Variants in WWOX observed in about 807,000 individuals in gnomAD.
The protein encoded by WWOX is WW domain containing oxidoreductase.
In WWOX, 69 loss-of-function variants were observed where a neutral mutation model predicts 46.2. That is an observed-to-expected ratio of 1.49 (90% CI 1.23 to 1.82). The LOEUF is 1.82. Ranked by LOEUF, WWOX falls within the 40% of genes most tolerant of loss-of-function variation. The probability of loss-of-function intolerance (pLI) is 0.00; values close to 1 mark genes in which losing one functional copy is unlikely to be tolerated. For synonymous variants in WWOX, 359 were observed against 202.6 expected, an observed-to-expected ratio of 1.77 and a Z score of -6.56; for missense variants, 919 against 542.6, an observed-to-expected ratio of 1.69 and a Z score of -6.89.
At chr16:79,039,029 G>A (rs910969361) in intron 8 of WWOX, among the ~76,000 whole-genome samples, 6 of 151,966 alleles carry the variant, frequency 3.9e-5, no homozygotes, top group African/African-American at 1.5e-4. Flanking sequence ...TAATTCATAT[G>A]ACTTAGTGTT....
chr16:78,761,369 G>T (rs558132086), intron 8 of WWOX, among the ~76,000 whole-genome samples: 2 of 152,152 alleles, frequency 1.3e-5, no homozygotes, highest in East Asian at 3.9e-4. Context: ...AGTTTTCAGG[G>T]AGAACTCTTT....
At chr16:79,018,071 G>C (rs908210225) in intron 8 of WWOX, among the ~76,000 whole-genome samples, 1 of 152,232 alleles carries the variant, frequency 6.6e-6, no homozygotes, top group Non-Finnish European at 1.5e-5. Flanking sequence ...ACTAGTTACA[G>C]AGTTTCTCGG....
At chr16:78,197,337 C>T (rs1222196068) in intron 5 of WWOX, among the ~76,000 whole-genome samples, 1 of 152,172 alleles carries the variant, frequency 6.6e-6, no homozygotes, top group Non-Finnish European at 1.5e-5. Flanking sequence ...AGCACACCTC[C>T]TGGATGATGC....
At chr16:78,443,912 G>A (rs2083500841) in intron 8 of WWOX, among the ~76,000 whole-genome samples, 1 of 152,066 alleles carries the variant, frequency 6.6e-6, no homozygotes, top group African/African-American at 2.4e-5. Context: ...GATATTGGAG[G>A]CCAGCGTGAT....
chr16:78,321,511 G>A (rs1460233231), intron 5 of WWOX, among the ~76,000 whole-genome samples: 1 of 151,566 alleles, frequency 6.6e-6, no homozygotes, highest in African/African-American at 2.4e-5. Flanking sequence ...GAGTGGATTC[G>A]TAGTCTGCCA....
intron 8 of WWOX, among the ~76,000 whole-genome samples, chr16:79,105,320 G>A (rs374861335): frequency 4.6e-5 from 7 of 152,066 alleles, no homozygotes; most frequent in African/African-American, 1.4e-4. Flanking sequence ...ACAGATAAGC[G>A]AAAATAACAA....
intron 5 of WWOX, among the ~76,000 whole-genome samples, chr16:78,297,773 G>C (rs1431074362): frequency 1.3e-5 from 2 of 152,032 alleles, no homozygotes; most frequent in Non-Finnish European, 2.9e-5. Context: ...TTATATCCTA[G>C]TATGGGCAAT....
intron 5 of WWOX, among the ~76,000 whole-genome samples, chr16:78,174,205 A>G (rs2035256703): frequency 6.6e-6 from 1 of 152,216 alleles, no homozygotes; most frequent in Non-Finnish European, 1.5e-5. Context: ...ACAGTTCCAC[A>G]TGGCTGGGGA....
chr16:78,571,639 C>T (rs1235873917), intron 8 of WWOX, among the ~76,000 whole-genome samples: 2 of 152,100 alleles, frequency 1.3e-5, no homozygotes, highest in East Asian at 3.9e-4. Context: ...GAGTCCAAGG[C>T]AGGTGGATTA....
At chr16:78,417,954 G>A (rs886774428) in intron 6 of WWOX, among the ~76,000 whole-genome samples, 1 of 152,200 alleles carries the variant, frequency 6.6e-6, no homozygotes, top group Non-Finnish European at 1.5e-5. Flanking sequence ...TCCTTAATAA[G>A]ATCCAGATTA....
chr16:79,043,587 A>G (rs544162743), intron 8 of WWOX, among the ~76,000 whole-genome samples: 12 of 152,326 alleles, frequency 7.9e-5, no homozygotes, highest in African/African-American at 2.6e-4. Context: ...TCCATCCTGC[A>G]TTATAACCCT....
intron 8 of WWOX, among the ~76,000 whole-genome samples, chr16:78,979,099 T>TC (rs200811560): frequency 0.01 from 1,515 of 148,598 alleles, 23 homozygotes; most frequent in African/African-American, 0.035. Flanking sequence ...TTTTTTTTTT[T>TC]CCCTATACAG....
chr16:78,921,010 G>C (rs1217320021), intron 8 of WWOX, among the ~76,000 whole-genome samples: 1 of 152,098 alleles, frequency 6.6e-6, no homozygotes, highest in Non-Finnish European at 1.5e-5. Context: ...CTGGCTGTTT[G>C]CTTGATATTA....
At chr16:78,570,142 T>G (rs1227069858) in intron 8 of WWOX, among the ~76,000 whole-genome samples, 1 of 152,216 alleles carries the variant, frequency 6.6e-6, no homozygotes, top group East Asian at 1.9e-4. Flanking sequence ...CCTTGTGGCC[T>G]TGTTTGCCTT....
chr16:78,920,636 C>A (rs968461773), intron 8 of WWOX, among the ~76,000 whole-genome samples: 1 of 152,102 alleles, frequency 6.6e-6, no homozygotes, highest in Non-Finnish European at 1.5e-5. Flanking sequence ...AGGTCAGGTA[C>A]CTGACCTGCT....
At chr16:78,348,427 C>T (rs1186242917) in intron 5 of WWOX, among the ~76,000 whole-genome samples, 1 of 120,822 alleles carries the variant, frequency 8.3e-6, no homozygotes, top group African/African-American at 2.8e-5. Context: ...GATCATAGAG[C>T]CAAAGAGCTC....
At chr16:78,226,504 CCCTTCCTT>C (rs749725355) in intron 5 of WWOX, among the ~76,000 whole-genome samples, 1 of 127,034 alleles carries the variant, frequency 7.9e-6, no homozygotes, top group Non-Finnish European at 1.6e-5. Flanking sequence ...CTCCCTCCCT[CCCTTCCTT>C]CCTTCCTTCT....
chr16:78,445,529 G>A (rs759883811), intron 8 of WWOX, among the ~76,000 whole-genome samples: 3 of 152,182 alleles, frequency 2.0e-5, no homozygotes, highest in Non-Finnish European at 4.4e-5. Flanking sequence ...CTTCAGCCCA[G>A]GAAGGAGCTT....
At chr16:79,177,970 G>A (rs528083144) in intron 8 of WWOX, among the ~76,000 whole-genome samples, 1 of 152,136 alleles carries the variant, frequency 6.6e-6, no homozygotes, top group East Asian at 1.9e-4. Context: ...TTGAGGGCTC[G>A]TTCCCTGGCT....
Sources: allele counts gnomAD v4.1 joint callset (sites outside exome capture counted in the v4.1 genomes callset), GRCh38; gene constraint gnomAD v4.1.1; transcripts MANE v1.5; gene names NCBI Gene and HGNC (gene_info 2026-07-23, HGNC 2026-07-21).